The following DOCK2 variants were observed in gnomAD, a reference collection of about 807,000 sequenced individuals.
DOCK2 encodes the protein dedicator of cytokinesis 2.
A neutral mutation model predicts 248.9 loss-of-function variants in DOCK2; 87 were observed. The ratio of observed to expected loss-of-function variants is 0.35; its 90% CI spans 0.29 to 0.42. The LOEUF (loss-of-function observed/expected upper bound fraction) is 0.42, where lower values mean the gene tolerates loss of function less well. Ranked by LOEUF, DOCK2 falls within the 10% of genes least tolerant of loss-of-function variation. The probability of loss-of-function intolerance (pLI) is 1.00; values close to 1 mark genes in which losing one functional copy is unlikely to be tolerated. For missense variants in DOCK2, 1,747 were observed against 2,300.2 expected, an observed-to-expected ratio of 0.76 and a Z score of 4.92; for synonymous variants, 805 against 821.6, an observed-to-expected ratio of 0.98 and a Z score of 0.35.
chr5:169,662,555 T>C (rs372800247), intron 2 of DOCK2, among the ~76,000 whole-genome samples: 1 of 152,236 alleles, frequency 6.6e-6, no homozygotes, highest in African/African-American at 2.4e-5. Context: ...AGAGGTTTAA[T>C]TGACTCACAG....
At chr5:169,912,117 C>A (rs1228712192) in intron 27 of DOCK2, among the ~76,000 whole-genome samples, 3 of 152,218 alleles carry the variant, frequency 2.0e-5, no homozygotes, top group African/African-American at 4.8e-5. Flanking sequence ...CTTGGTGATA[C>A]AAGGGACCCT....
Position 169,840,810 on chromosome 5 carries a change from G to A in DOCK2, c.2757G>A (p.Val919=), listed in dbSNP as rs376912207. The A allele has an allele frequency of 1.8e-5, 29 of 1,613,858 alleles. No individual in the cohort carries two copies. Among genetic ancestry groups the A allele is most frequent in the Middle Eastern group, 1.6e-4 (1 of 6,084 alleles). ...QEIMVQLLRT[V]NRTVITMGRD... ...TCATGGTCCAGCTGCTGCGGACAGT[G>A]AACCGGACAGTCATCACCATGGGCC... Residue 919 remains valine (V), a synonymous_variant, in exon 27 of 52, where the codon GTG becomes GTA. Transcript: ENST00000520908.
intron 41 of DOCK2, among the ~76,000 whole-genome samples, chr5:170,052,120 G>A (rs989912744): frequency 1.3e-5 from 2 of 152,164 alleles, no homozygotes; most frequent in African/African-American, 4.8e-5. Context: ...TTAAAATGGG[G>A]TTGACAGGTC....
At chr5:169,678,817 C>T (rs1362023869) in intron 6 of DOCK2, among the ~76,000 whole-genome samples, 4 of 146,892 alleles carry the variant, frequency 2.7e-5, no homozygotes, top group African/African-American at 1.0e-4. Context: ...ATTAGGAGTG[C>T]AGGAAGCATG....
At chr5:169,947,863 C>T (rs1206316400) in intron 27 of DOCK2, among the ~76,000 whole-genome samples, 1 of 152,116 alleles carries the variant, frequency 6.6e-6, no homozygotes, top group African/African-American at 2.4e-5. Context: ...TACATGGTGC[C>T]TGCTGGGTGA....
chr5:169,786,265 T>A (rs1765973363), intron 25 of DOCK2, among the ~76,000 whole-genome samples: 1 of 152,208 alleles, frequency 6.6e-6, no homozygotes, highest in African/African-American at 2.4e-5. Context: ...AGGGGCTGCA[T>A]GTGTACTTAA....
chr5:169,957,321 T>A (rs1202974253), intron 27 of DOCK2, among the ~76,000 whole-genome samples: 3 of 152,250 alleles, frequency 2.0e-5, no homozygotes, highest in African/African-American at 7.2e-5. Flanking sequence ...ATAGTAAGAG[T>A]TCCTACTTTG....
In DOCK2 at chr5:169,712,004, G is replaced by C; in HGVS notation, c.1552G>C (p.Glu518Gln). Residue 518 changes from glutamate (E) to glutamine (Q), a missense_variant, in exon 16 of 52, where the codon GAA becomes CAA. This residue lies in a region of DOCK2 where 858 missense variants were observed against 1,183.5 expected (regional missense o/e 0.72). Coordinates refer to ENST00000520908, the MANE Select transcript of DOCK2 (RefSeq NM_004946.3). ...CATGTTTCGACATCGGTCATCTCTG[G>C]AATGTGAGTACCATACTGAATGGCA... Reference protein sequence around the residue: ...RFMFRHRSSLESKDKGEKNFA... With the variant: ...RFMFRHRSSLQSKDKGEKNFA... 6.2e-7 allele frequency: 1 copy of C among 1,614,118 alleles called. No homozygotes were observed. Among genetic ancestry groups the C allele is most frequent in the Non-Finnish European group, 8.5e-7 (1 of 1,179,974 alleles).
At position 169,987,867 on chromosome 5, in the gene DOCK2, G is replaced by A. The variant is rs138262666; in HGVS notation, c.2993+1945G>A. On this transcript the variant is annotated intron_variant, in intron 29 of 51. Transcript: ENST00000520908. Reference sequence around the variant, plus strand: ...AAGTTAGACTCTAGAACACAGCCTGGGCTTCAGACTCTTTAATTCTGCCAC... The same window carrying A: ...AAGTTAGACTCTAGAACACAGCCTGAGCTTCAGACTCTTTAATTCTGCCAC... Among the ~76,000 whole-genome samples, 51 of 152,154 alleles carry A rather than the reference G, an allele frequency of 3.4e-4. No individual in the cohort carries two copies. In the East Asian group the frequency reaches 5.8e-3, roughly 17 times the overall value.
At chr5:169,669,591 T>C (rs1008656708) in intron 3 of DOCK2, among the ~76,000 whole-genome samples, 4 of 152,174 alleles carry the variant, frequency 2.6e-5, no homozygotes, top group African/African-American at 9.7e-5. Context: ...GATTTCTCCC[T>C]TCCTCGAGTC....
At chr5:169,773,891 G>A (rs757517683) in intron 25 of DOCK2, among the ~76,000 whole-genome samples, 4 of 152,090 alleles carry the variant, frequency 2.6e-5, no homozygotes, top group Non-Finnish European at 5.9e-5. Flanking sequence ...GGGAAACCCC[G>A]TTCGCTTGCT....
intron 27 of DOCK2, among the ~76,000 whole-genome samples, chr5:169,940,922 T>C: frequency 6.6e-6 from 1 of 152,196 alleles, no homozygotes; most frequent in South Asian, 2.1e-4. Flanking sequence ...AATCATACAG[T>C]GAGCAAGAAT....
chr5:169,807,604 G>A (rs1018523138), intron 26 of DOCK2, among the ~76,000 whole-genome samples: 20 of 151,998 alleles, frequency 1.3e-4, no homozygotes, highest in Non-Finnish European at 2.4e-4. Flanking sequence ...AGGCCGAGGC[G>A]GGCGGATCAC....
intron 21 of DOCK2, among the ~76,000 whole-genome samples, chr5:169,717,867 G>A (rs1052337130): frequency 6.6e-6 from 1 of 152,154 alleles, no homozygotes; most frequent in East Asian, 1.9e-4. Flanking sequence ...TTGGAGACCA[G>A]CCTGGCCAAC....
At position 170,056,669 on chromosome 5, in the gene DOCK2, C is replaced by A. The variant is rs1241159312; in HGVS notation, c.4296-15C>A. 2 of 1,613,594 alleles carry A rather than the reference C, an allele frequency of 1.2e-6. No individual in the cohort carries two copies. Among genetic ancestry groups the A allele is most frequent in the Admixed American group, 3.3e-5 (2 of 60,028 alleles). Reference sequence around the variant, plus strand: ...GGATGGCTACCAGGAGCCTCAGCCTCTTCCTGTCTTTCAGCTTCTACAAAT... The same window carrying A: ...GGATGGCTACCAGGAGCCTCAGCCTATTCCTGTCTTTCAGCTTCTACAAAT... On this transcript the variant is annotated splice_polypyrimidine_tract_variant and intron_variant, in intron 42 of 51. Transcript: ENST00000520908.
At chr5:170,026,295 T>C (rs753764229) in intron 33 of DOCK2, among the ~76,000 whole-genome samples, 3 of 152,128 alleles carry the variant, frequency 2.0e-5, no homozygotes, top group Non-Finnish European at 4.4e-5. Flanking sequence ...TCTAAGACTT[T>C]AGACAGGTCA....
chr5:169,692,084 G>T (rs1760337509), intron 9 of DOCK2, among the ~76,000 whole-genome samples: 1 of 152,082 alleles, frequency 6.6e-6, no homozygotes, highest in African/African-American at 2.4e-5. Context: ...TTGATCTCCT[G>T]ACCTCGTGAT....
At chr5:170,025,941 G>A (rs1755900146) in intron 33 of DOCK2, among the ~76,000 whole-genome samples, 1 of 151,568 alleles carries the variant, frequency 6.6e-6, no homozygotes, top group Non-Finnish European at 1.5e-5. Context: ...CACCTCGACA[G>A]CTTTGCTCAC....
chr5:169,705,870 C>T (rs1333842236), intron 14 of DOCK2, among the ~76,000 whole-genome samples: 2 of 152,356 alleles, frequency 1.3e-5, no homozygotes, highest in Non-Finnish European at 2.9e-5. Context: ...TGAAAGCCTC[C>T]AGGCTTCCTG....
Sources: gnomAD v4.1 joint callset for allele counts (sites outside exome capture counted in the v4.1 genomes callset) on GRCh38, gnomAD v4.1.1 for gene constraint, gnomAD v4.1.1 regional missense constraint, MANE v1.5 for transcripts, NCBI Gene and HGNC (gene_info 2026-07-23, HGNC 2026-07-21) for gene names.